NUBPL: variants seen among roughly 807,000 people sequenced by gnomAD.
NUBPL encodes iron-sulfur cluster transfer protein NUBPL.
Under a neutral mutation model 45.7 loss-of-function variants are expected in NUBPL, and 31 were observed. The ratio of observed to expected loss-of-function variants is 0.68; its 90% confidence interval spans 0.51 to 0.92. NUBPL has a LOEUF of 0.92. NUBPL is among the 40% of genes least tolerant of loss of function. The pLI is 0.00. For missense variants in NUBPL, 401 were observed against 398.7 expected (o/e 1.01, Z -0.05); for synonymous variants, 144 against 140.9 (o/e 1.02, Z -0.15).
At chr14:31,626,332 G>C (rs535618957) in intron 4 of NUBPL, among the ~76,000 whole-genome samples, 259 of 152,038 alleles carry the variant, frequency 1.7e-3, no homozygotes, top group African/African-American at 6.0e-3. Context: ...AGTAGAGACG[G>C]GTTCACCATG....
At position 31,791,598 on chromosome 14, in the gene NUBPL, A is replaced by T. The variant is rs1225152102; in HGVS notation, c.607+3725A>T. ...AGGTTAAAAGCCCCAGCTCTAAGAG[A>T]TAGAGCATGGTGAGGAGCAGGAGAG... On this transcript the variant is annotated intron_variant, in intron 7 of 10. Transcript: ENST00000281081. 3.3e-5 allele frequency among the ~76,000 whole-genome samples: 5 copies of T among 152,324 alleles called. No homozygotes were observed. In the East Asian group the frequency reaches 9.6e-4, roughly 29 times the overall value.
intron 6 of NUBPL, among the ~76,000 whole-genome samples, chr14:31,723,303 A>C (rs2037851886): frequency 1.3e-5 from 2 of 152,030 alleles, no homozygotes; most frequent in Non-Finnish European, 2.9e-5. Flanking sequence ...TGGTCTATGC[A>C]CCTGTTTTTG....
chr14:31,858,056 A>G (rs1012651303), intron 10 of NUBPL, among the ~76,000 whole-genome samples: 1 of 152,266 alleles, frequency 6.6e-6, no homozygotes, highest in Non-Finnish European at 1.5e-5. Flanking sequence ...TTGGACTTAC[A>G]GTTCCATCTG....
chr14:31,621,085 G>A (rs1253263178), intron 4 of NUBPL, among the ~76,000 whole-genome samples: 2 of 152,200 alleles, frequency 1.3e-5, no homozygotes, highest in African/African-American at 4.8e-5. Context: ...TACACTGTGA[G>A]GGTAAAACCG....
At chr14:31,722,950 G>A (rs1252899758) in intron 6 of NUBPL, among the ~76,000 whole-genome samples, 1 of 151,832 alleles carries the variant, frequency 6.6e-6, no homozygotes, top group Admixed American at 6.6e-5. Context: ...AAGTTTAATT[G>A]CATCCATTTG....
rs192550575 is a variant in NUBPL at position 31,562,261 on chromosome 14, A to G, written c.256+46A>G. 6.6e-6 allele frequency: 10 copies of G among 1,519,530 alleles called. No individual in the cohort carries two copies. In the East Asian group the frequency reaches 1.8e-4, roughly 27 times the overall value. 94.1% of individuals were successfully genotyped at this position (1,519,530 alleles called of 1,614,324 possible). Reference sequence around the variant, plus strand: ...TATTCCTGATTAAGAACTTATGCCAACAGACAAGTGCACACTATTGAAATT... The same window carrying G: ...TATTCCTGATTAAGAACTTATGCCAGCAGACAAGTGCACACTATTGAAATT... On this transcript the variant is annotated intron_variant, in intron 2 of 10. Coordinates refer to ENST00000281081, the MANE Select transcript of NUBPL (RefSeq NM_025152.3).
In NUBPL at chr14:31,675,299, G is replaced by C. The variant is rs143892158; in HGVS notation, c.513+1725G>C. Among the ~76,000 whole-genome samples the C allele has an allele frequency of 2.1e-3, 314 of 152,242 alleles. 1 individual carries two copies. Among genetic ancestry groups the C allele is most frequent in the African/African-American group, 7.0e-3 (290 of 41,540 alleles). ...GAGTATATCTATCTTACAGTCTTTC[G>C]TGAAGTCACTTTCATGTGTGCATTT... On this transcript the variant is annotated intron_variant, in intron 6 of 10. Coordinates refer to ENST00000281081, the MANE Select transcript of NUBPL (RefSeq NM_025152.3).
intron 8 of NUBPL, chr14:31,845,379 C>T (rs1595704943): frequency 6.6e-6 from 1 of 152,152 alleles, no homozygotes; most frequent in South Asian, 2.1e-4. Flanking sequence ...ATAACCATCT[C>T]GGCTGGGCAC....
chr14:31,791,019 A>G (rs2039372305), intron 7 of NUBPL, among the ~76,000 whole-genome samples: 1 of 152,204 alleles, frequency 6.6e-6, no homozygotes, highest in African/African-American at 2.4e-5. Flanking sequence ...CTGTAATCCC[A>G]GCACTTTAGG....
intron 6 of NUBPL, among the ~76,000 whole-genome samples, chr14:31,701,613 G>A (rs541834092): frequency 4.9e-4 from 75 of 152,278 alleles, no homozygotes; most frequent in Non-Finnish European, 8.2e-4. Context: ...TGAAGCCAGC[G>A]AGACCACAAA....
intron 7 of NUBPL, among the ~76,000 whole-genome samples, chr14:31,800,364 C>T (rs965821497): frequency 1.3e-5 from 2 of 152,144 alleles, no homozygotes; most frequent in African/African-American, 4.8e-5. Flanking sequence ...GGATTGCCAT[C>T]CTATTATATG....
At chr14:31,807,380 G>A (rs1363894936) in intron 7 of NUBPL, among the ~76,000 whole-genome samples, 6 of 152,158 alleles carry the variant, frequency 3.9e-5, no homozygotes, top group Admixed American at 6.6e-5. Context: ...CAGTGATGAT[G>A]AGCATTTTTT....
At chr14:31,697,833 G>A (rs1042394922) in intron 6 of NUBPL, among the ~76,000 whole-genome samples, 3 of 152,130 alleles carry the variant, frequency 2.0e-5, no homozygotes, top group African/African-American at 7.2e-5. Flanking sequence ...GACTTGCTGA[G>A]CCTTTAGGAG....
chr14:31,572,640 T>C (rs1246426842), intron 3 of NUBPL, among the ~76,000 whole-genome samples: 1 of 152,216 alleles, frequency 6.6e-6, no homozygotes, highest in African/African-American at 2.4e-5. Flanking sequence ...GAGGTGTTTG[T>C]TGCGACTTAG....
At chr14:31,814,465 T>G (rs947451035) in intron 7 of NUBPL, among the ~76,000 whole-genome samples, 12 of 152,206 alleles carry the variant, frequency 7.9e-5, no homozygotes, top group African/African-American at 2.9e-4. Context: ...TGCAAAAATT[T>G]TCTCCCATTC....
chr14:31,653,628 G>C (rs571060993), intron 4 of NUBPL, among the ~76,000 whole-genome samples: 1 of 152,108 alleles, frequency 6.6e-6, no homozygotes, highest in African/African-American at 2.4e-5. Flanking sequence ...CACTGATTTC[G>C]TATTGTTCAA....
chr14:31,746,448 A>G lies in NUBPL; in HGVS notation c.514-41332A>G, dbSNP rs112936709. ...TTTTTCTGTATTTGTTGAGATGATC[A>G]TATAGTTTATGTTCTTTCTGTCAAT... On this transcript the variant is annotated intron_variant, in intron 6 of 10. Transcript: ENST00000281081. Among the ~76,000 whole-genome samples the G allele has an allele frequency of 2.0e-3, 310 of 152,126 alleles. 8 individuals are homozygous for G. The highest frequency in any genetic ancestry group is 6.9e-3 in the African/African-American group (285 of 41,386).
At chr14:31,687,138 A>G (rs2036972094) in intron 6 of NUBPL, among the ~76,000 whole-genome samples, 1 of 152,152 alleles carries the variant, frequency 6.6e-6, no homozygotes, top group Admixed American at 6.5e-5. Flanking sequence ...TGTGTATCTC[A>G]TATTCAGGCA....
intron 6 of NUBPL, among the ~76,000 whole-genome samples, chr14:31,701,534 T>C (rs537323504): frequency 6.6e-6 from 1 of 152,238 alleles, no homozygotes; most frequent in Non-Finnish European, 1.5e-5. Flanking sequence ...CTTGCTGCTG[T>C]TCACTCTTTG....
Sources: gnomAD v4.1 joint callset for allele counts (sites outside exome capture counted in the v4.1 genomes callset) on GRCh38, gnomAD v4.1.1 for gene constraint, MANE v1.5 for transcripts, NCBI Gene and HGNC (gene_info 2026-07-23, HGNC 2026-07-21) for gene names.